The following SNX30 variants were observed in gnomAD, a reference collection of about 807,000 sequenced individuals.
The protein encoded by SNX30 is sorting nexin-30.
In SNX30, 24 loss-of-function variants were observed where a neutral mutation model predicts 46.4. The ratio of observed to expected loss-of-function variants is 0.52; its 90% CI spans 0.37 to 0.73. SNX30 has a LOEUF of 0.73. Among genes scored for constraint, SNX30 ranks in the 30% least tolerant of loss-of-function variants. The pLI is 0.00. For synonymous variants in SNX30, 189 were observed against 211.5 expected, an observed-to-expected ratio of 0.89 and a Z score of 0.92; for missense variants, 533 against 555.7, an observed-to-expected ratio of 0.96 and a Z score of 0.41.
At position 112,834,511 on chromosome 9, in the gene SNX30, G is replaced by A. The variant is rs993634972; in HGVS notation, c.619-1703G>A. On this transcript the variant is annotated intron_variant, in intron 4 of 8. Coordinates refer to ENST00000374232, the MANE Select transcript of SNX30 (RefSeq NM_001012994.2). Reference sequence around the variant, plus strand: ...TTGGGCGAGGCGTGGGGGAAGGGGCGTGGAACTTCCATGCCCTCCCTGGGT... The same window carrying A: ...TTGGGCGAGGCGTGGGGGAAGGGGCATGGAACTTCCATGCCCTCCCTGGGT... Among the ~76,000 whole-genome samples, 8 of 152,268 alleles carry A rather than the reference G, an allele frequency of 5.3e-5. No homozygotes were observed. The East Asian group carries it at 5.8e-4, about 11-fold the overall frequency.
In SNX30 at chr9:112,794,247, A is replaced by T. The variant is rs560690152; in HGVS notation, c.157-10529A>T. Among the ~76,000 whole-genome samples, 178 of 152,040 alleles carry T rather than the reference A, an allele frequency of 1.2e-3. 1 individual carries two copies. Among genetic ancestry groups the T allele is most frequent in the African/African-American group, 4.0e-3 (167 of 41,472 alleles). On this transcript the variant is annotated intron_variant, in intron 1 of 8. Transcript: ENST00000374232. ...AGGTCACTGCACCCGCCGCCTCCCA[A>T]GTTCAAGCAGTTCTCCTGCCTCAGC... is the stretch of plus-strand genomic sequence containing the variant.
intron 4 of SNX30, among the ~76,000 whole-genome samples, chr9:112,832,296 C>A (rs1273802199): frequency 6.6e-6 from 1 of 152,078 alleles, no homozygotes; most frequent in Non-Finnish European, 1.5e-5. Flanking sequence ...TCCAAAAGCA[C>A]AACTCACTTT....
chr9:112,848,882 C>A (rs1050150598), intron 6 of SNX30, among the ~76,000 whole-genome samples: 1 of 152,182 alleles, frequency 6.6e-6, no homozygotes, highest in Admixed American at 6.5e-5. Flanking sequence ...CTCCCCACCC[C>A]TCGTAGTCCC....
At chr9:112,838,806 G>GCCCACCCAGGAAGAA in intron 6 of SNX30, 109 bp downstream of exon 6, 4 of 1,052,670 alleles carry the variant, frequency 3.8e-6, no homozygotes, top group African/African-American at 1.6e-5. Context: ...CCTTCTTCCT[G>GCCCACCCAGGAAGAA]GGTGGGCAGG....
At chr9:112,880,892 C>G (rs1841568124) in intron 5 of SNX30, among the ~76,000 whole-genome samples, 1 of 152,146 alleles carries the variant, frequency 6.6e-6, no homozygotes, top group Admixed American at 6.5e-5. Flanking sequence ...TCCAGTCTTG[C>G]AAGTACTGAA....
At chr9:112,836,895 C>T (rs1257613643) in intron 5 of SNX30, among the ~76,000 whole-genome samples, 4 of 152,198 alleles carry the variant, frequency 2.6e-5, no homozygotes, top group Admixed American at 6.5e-5. Flanking sequence ...AAACCCACTC[C>T]TGCATGGGGG....
chr9:112,871,484 T>TGTAGA lies in SNX30; in HGVS notation c.*2643_*2647dup, dbSNP rs1041398132. 3.9e-5 allele frequency: 6 copies of TGTAGA among 152,182 alleles called. No individual in the cohort carries two copies. Among genetic ancestry groups the TGTAGA allele is most frequent in the African/African-American group, 1.4e-4 (6 of 41,450 alleles). 9.4% of individuals were successfully genotyped at this position (152,182 alleles called of 1,614,324 possible). The stretch of plus-strand genomic sequence containing the variant: ...GAGGCTTCTGTGCCAAAGACTGCCT[T>TGTAGA]GTAGAGGTCTCATCACCTCACACTT... On this transcript the variant is annotated 3_prime_UTR_variant, in exon 9 of 9. Transcript: ENST00000374232.
intron 7 of SNX30, among the ~76,000 whole-genome samples, chr9:112,862,667 C>A (rs1342807685): frequency 6.6e-6 from 1 of 151,920 alleles, no homozygotes; most frequent in African/African-American, 2.4e-5. Context: ...TTTGGGGGAC[C>A]GAGGTGGGAG....
intron 6 of SNX30, among the ~76,000 whole-genome samples, chr9:112,841,980 G>C (rs1167124600): frequency 6.6e-6 from 1 of 152,164 alleles, no homozygotes; most frequent in Non-Finnish European, 1.5e-5. Flanking sequence ...CTCTTGCTCT[G>C]TCGCCCAGGC....
chr9:112,861,084 A>G (rs540100449), intron 7 of SNX30, among the ~76,000 whole-genome samples: 1 of 152,332 alleles, frequency 6.6e-6, no homozygotes, highest in South Asian at 2.1e-4. Flanking sequence ...CTGCCCAGAA[A>G]CAAAGGCTTG....
chr9:112,833,713 C>T (rs1414910911), intron 4 of SNX30, among the ~76,000 whole-genome samples: 1 of 152,182 alleles, frequency 6.6e-6, no homozygotes, highest in Non-Finnish European at 1.5e-5. Context: ...TGCAGTCCAG[C>T]GAGCCCATTT....
At chr9:112,750,627 C>T (rs1839248011), upstream of SNX30, among the ~76,000 whole-genome samples, 2 of 151,496 alleles carry the variant, frequency 1.3e-5, no homozygotes, top group Admixed American at 6.6e-5. Context: ...GGCCGCGCCT[C>T]CTCCCTCCCT....
chr9:112,817,834 C>T lies in SNX30; in HGVS notation c.459+19C>T, dbSNP rs1414307270. ...CATTCCCGTAGGTAGTAAGTCACTA[C>T]AGCTTGTTTCTCACTTGTCCTGTGT... On this transcript the variant is annotated intron_variant, in intron 3 of 8. Coordinates refer to ENST00000374232, the MANE Select transcript of SNX30 (RefSeq NM_001012994.2). 6.7e-7 allele frequency: 1 copy of T among 1,502,752 alleles called. No homozygotes were observed. Among genetic ancestry groups the T allele is most frequent in the Admixed American group, 1.7e-5 (1 of 59,846 alleles). 93.1% of individuals were successfully genotyped at this position (1,502,752 alleles called of 1,614,324 possible). A position where few individuals can be genotyped will look rare whatever the true frequency, so the allele number is the denominator to read the frequency against.
chr9:112,760,977 G>A (rs1303359888), intron 1 of SNX30, among the ~76,000 whole-genome samples: 2 of 152,180 alleles, frequency 1.3e-5, no homozygotes, highest in African/African-American at 4.8e-5. Flanking sequence ...ACCTGTGGCC[G>A]CTGGAGGAGG....
At chr9:112,867,560 ACTC>A (rs1176224943) in intron 8 of SNX30, among the ~76,000 whole-genome samples, 3 of 128,556 alleles carry the variant, frequency 2.3e-5, no homozygotes, top group Non-Finnish European at 4.9e-5. Flanking sequence ...CCTCCTCAGA[ACTC>A]CTTTCACTTC....
intron 6 of SNX30, among the ~76,000 whole-genome samples, chr9:112,845,682 G>A (rs112037127): frequency 0.03 from 4,572 of 152,254 alleles, 237 homozygotes; most frequent in African/African-American, 0.1. Context: ...ATCTGGACGG[G>A]CCAAGAGAAG....
Position 112,874,866 on chromosome 9 carries a change from A to G in SNX30, c.*6023A>G, listed in dbSNP as rs984917864. ...AATTGTTGTTTACTATGGAATTAGTATTACATTTTGAGGTAAACAAAAGAA... is the reference window on the plus strand; with the variant it reads ...AATTGTTGTTTACTATGGAATTAGTGTTACATTTTGAGGTAAACAAAAGAA... On this transcript the variant is annotated 3_prime_UTR_variant, in exon 9 of 9. Coordinates refer to ENST00000374232, the MANE Select transcript of SNX30 (RefSeq NM_001012994.2). 1 of 152,156 alleles carries G rather than the reference A, an allele frequency of 6.6e-6. No homozygotes were observed. Among genetic ancestry groups the G allele is most frequent in the Non-Finnish European group, 1.5e-5 (1 of 68,032 alleles). The allele number at this position is 152,156 out of a possible 1,614,324, so 9.4% of individuals were successfully genotyped here. A position where few individuals can be genotyped will look rare whatever the true frequency, so the allele number is the denominator to read the frequency against.
rs1841284944 is a variant in SNX30 at position 112,864,349 on chromosome 9, C to T, written c.1204C>T (p.Arg402Trp). 1.2e-6 allele frequency: 2 copies of T among 1,614,028 alleles called. No individual in the cohort carries two copies. Among genetic ancestry groups the T allele is most frequent in the Non-Finnish European group, 1.7e-6 (2 of 1,180,048 alleles). The change falls in exon 8 of 9, where the codon CGG becomes TGG. Residue 402 changes from arginine (R) to tryptophan (W), a missense_variant. Transcript: ENST00000374232. ...GCAGAACAACAAGAGGCAGGACTTC[C>T]GGCAGCTACTCATGGGGATGGCTGA... ...RWQNNKRQDFRQLLMGMADKN... is the reference protein window; with the variant it reads ...RWQNNKRQDFWQLLMGMADKN...
At chr9:112,830,155 G>T (rs1840638590) in intron 3 of SNX30, among the ~76,000 whole-genome samples, 1 of 152,088 alleles carries the variant, frequency 6.6e-6, no homozygotes, top group South Asian at 2.1e-4. Context: ...AAATGTATTT[G>T]AATAAGGGGA....
Sources: allele counts gnomAD v4.1 joint callset (sites outside exome capture counted in the v4.1 genomes callset), GRCh38; gene constraint gnomAD v4.1.1; transcripts MANE v1.5; gene names NCBI Gene and HGNC (gene_info 2026-07-23, HGNC 2026-07-21).